The following HEMK2 variants were observed in gnomAD, a reference collection of about 807,000 sequenced individuals.
The protein encoded by HEMK2 is HemK methyltransferase 2, ETF1 glutamine and histone H4 lysine.
chr21:28,782,910 T>A, the HEMK2 span, among the ~76,000 whole-genome samples: 12 of 152,268 alleles, frequency 7.9e-5, no homozygotes, highest in African/African-American at 2.9e-4. Context: ...AAATGGCCAA[T>A]CTCTCTATAA....
At chr21:28,582,293 C>T in the HEMK2 span, among the ~76,000 whole-genome samples, 258 of 152,314 alleles carry the variant, frequency 1.7e-3, 2 homozygotes, top group Non-Finnish European at 2.4e-3. Context: ...ATAGACATCT[C>T]TGGTCTAAAT....
the HEMK2 span, among the ~76,000 whole-genome samples, chr21:28,771,842 G>A: frequency 2.0e-5 from 3 of 151,790 alleles, no homozygotes; most frequent in African/African-American, 4.8e-5. Context: ...CAAGCCAGTC[G>A]TCTGCCACTT....
At chr21:28,681,252 C>A in the HEMK2 span, among the ~76,000 whole-genome samples, 1 of 152,110 alleles carries the variant, frequency 6.6e-6, no homozygotes, top group Non-Finnish European at 1.5e-5. Context: ...TCTTATACAC[C>A]AATAAGAGAC....
chr21:28,741,910 G>C, the HEMK2 span, among the ~76,000 whole-genome samples: 2 of 152,026 alleles, frequency 1.3e-5, no homozygotes, highest in East Asian at 3.9e-4. Context: ...TTCTTCCTTT[G>C]GGTATATACC....
the HEMK2 span, among the ~76,000 whole-genome samples, chr21:28,637,714 C>G: frequency 5.3e-5 from 8 of 152,142 alleles, no homozygotes; most frequent in Admixed American, 1.3e-4. Flanking sequence ...CTCTAGGAAG[C>G]CAAGCTAGCT....
chr21:28,767,068 C>T, the HEMK2 span, among the ~76,000 whole-genome samples: 12 of 152,058 alleles, frequency 7.9e-5, no homozygotes, highest in South Asian at 4.1e-4. Flanking sequence ...AGGTCTTTCC[C>T]GTGCTGTTCT....
At chr21:28,610,317 T>C in the HEMK2 span, among the ~76,000 whole-genome samples, 185 of 152,240 alleles carry the variant, frequency 1.2e-3, 2 homozygotes, top group Non-Finnish European at 5.0e-4. Context: ...ATTTTGTAAA[T>C]GAAGGACAGA....
chr21:28,774,564 G>A, the HEMK2 span, among the ~76,000 whole-genome samples: 1 of 151,734 alleles, frequency 6.6e-6, no homozygotes, highest in Non-Finnish European at 1.5e-5. Flanking sequence ...CTCCAGCCTG[G>A]GTGACAAAGC....
the HEMK2 span, among the ~76,000 whole-genome samples, chr21:28,580,986 T>C: frequency 2.6e-5 from 4 of 152,290 alleles, no homozygotes; most frequent in African/African-American, 7.2e-5. Flanking sequence ...CACACCCCCA[T>C]TGCCAACGTG....
At chr21:28,832,956 GTTACT>G in the HEMK2 span, among the ~76,000 whole-genome samples, 1 of 152,332 alleles carries the variant, frequency 6.6e-6, no homozygotes, top group East Asian at 1.9e-4. Context: ...TGTTGAACTA[GTTACT>G]TTAACACATT....
At chr21:28,741,579 G>T in the HEMK2 span, among the ~76,000 whole-genome samples, 34,743 of 151,864 alleles carry the variant, frequency 0.23, 4,619 homozygotes, top group African/African-American at 0.35. Flanking sequence ...GGCCCCAGCG[G>T]GTGTTGTTCC....
the HEMK2 span, among the ~76,000 whole-genome samples, chr21:28,849,808 G>A: frequency 2.0e-5 from 3 of 152,062 alleles, no homozygotes; most frequent in African/African-American, 7.2e-5. Context: ...AAATTACTTA[G>A]ACAAAAATAA....
At chr21:28,667,405 G>A in the HEMK2 span, among the ~76,000 whole-genome samples, 1 of 152,120 alleles carries the variant, frequency 6.6e-6, no homozygotes, top group African/African-American at 2.4e-5. Context: ...CCAAAACTAT[G>A]AGAATGGGGG....
the HEMK2 span, among the ~76,000 whole-genome samples, chr21:28,680,896 G>A: frequency 2.1e-4 from 32 of 152,200 alleles, no homozygotes; most frequent in South Asian, 6.6e-3. Context: ...TTGATGGGAC[G>A]TATCTCAAAA....
chr21:28,885,187 G>C, the HEMK2 span: 1 of 1,535,092 alleles, frequency 6.5e-7, no homozygotes, highest in Non-Finnish European at 8.9e-7. Flanking sequence ...ACCCTTTCCC[G>C]TCAGAGCCCC....
At chr21:28,627,980 T>A in the HEMK2 span, among the ~76,000 whole-genome samples, 1 of 152,132 alleles carries the variant, frequency 6.6e-6, no homozygotes, top group South Asian at 2.1e-4. Flanking sequence ...TAGAGGGTAT[T>A]TAAACCCCAG....
At chr21:28,761,264 G>GA in the HEMK2 span, among the ~76,000 whole-genome samples, 2 of 151,548 alleles carry the variant, frequency 1.3e-5, no homozygotes, top group African/African-American at 4.8e-5. Context: ...ACAATTCAGC[G>GA]AAAAAAATAT....
the HEMK2 span, among the ~76,000 whole-genome samples, chr21:28,769,045 G>C: frequency 6.6e-6 from 1 of 152,016 alleles, no homozygotes; most frequent in South Asian, 2.1e-4. Context: ...AAATAAATTT[G>C]TGTTGTTTAA....
chr21:28,701,992 C>T, the HEMK2 span, among the ~76,000 whole-genome samples: 6 of 151,980 alleles, frequency 3.9e-5, no homozygotes, highest in South Asian at 1.2e-3. Flanking sequence ...ATACACAGAC[C>T]AATAAAAGAG....
Sources: gnomAD v4.1 joint callset for allele counts (sites outside exome capture counted in the v4.1 genomes callset) on GRCh38, gnomAD v4.1.1 for gene constraint, MANE v1.5 for transcripts, NCBI Gene and HGNC (gene_info 2026-07-23, HGNC 2026-07-21) for gene names.